SNX5: variants seen among roughly 807,000 people sequenced by gnomAD.
SNX5 encodes the protein sorting nexin-5.
Under a neutral mutation model 53.9 loss-of-function variants are expected in SNX5, and 31 were observed. The observed-to-expected ratio is 0.58, with a 90% CI of 0.43 to 0.78. The LOEUF (loss-of-function observed/expected upper bound fraction) is 0.78, where lower values mean the gene tolerates loss of function less well. Among genes scored for constraint, SNX5 ranks in the 30% least tolerant of loss-of-function variants. The probability of loss-of-function intolerance (pLI) is 0.00; values close to 1 mark genes in which losing one functional copy is unlikely to be tolerated. For missense variants in SNX5, 471 were observed against 478.8 expected (o/e 0.98, Z 0.15); for synonymous variants, 168 against 171.1 (o/e 0.98, Z 0.14).
intron 1 of SNX5, chr20:17,961,493 CTAGTT>C (rs1263281068): frequency 5.1e-6 from 5 of 985,344 alleles, no homozygotes; most frequent in Non-Finnish European, 6.0e-6. Flanking sequence ...TAGATTGGGG[CTAGTT>C]GAACAGTCAT....
chr20:17,952,674 G>C lies in SNX5; in HGVS notation c.426C>G (p.Ser142=). ...AAAGCCGCTGAAGAAAGACTTCATG[G>C]GAGGACACAGTCTTCTTAAACACAG... ...YLAVFKKTVS[S]HEVFLQRLSS... Residue 142 remains serine, a synonymous_variant, in exon 5 of 13, where the codon TCC becomes TCG. Coordinates refer to ENST00000377759, the MANE Select transcript of SNX5 (RefSeq NM_014426.4). 1 of 1,614,002 alleles carries C rather than the reference G, an allele frequency of 6.2e-7. No homozygotes were observed. The highest frequency in any genetic ancestry group is 8.5e-7 in the Non-Finnish European group (1 of 1,179,948).
At position 17,955,540 on chromosome 20, in the gene SNX5, G is replaced by T. The variant is rs1156335032; in HGVS notation, c.157-65C>A. On this transcript the variant is annotated intron_variant, in intron 2 of 12. Transcript: ENST00000377759. ...TTAGATAAGTGATCTGGGTTTCCTA[G>T]GCTACACAGTGGGAAAATTCTGCAT... The T allele has an allele frequency of 1.2e-5, 14 of 1,128,466 alleles. No individual in the cohort carries two copies. In the Admixed American group the frequency reaches 2.4e-4, roughly 19 times the overall value. The allele number at this position is 1,128,466 out of a possible 1,614,324, so 69.9% of individuals were successfully genotyped here. A position where few individuals can be genotyped will look rare whatever the true frequency, so the allele number is the denominator to read the frequency against.
intron 12 of SNX5, 144 bp from the exon 13 acceptor site, chr20:17,942,551 G>C (rs1174295267): frequency 2.9e-6 from 2 of 689,638 alleles, no homozygotes; most frequent in Admixed American, 4.4e-5. Flanking sequence ...TCAAATCCCA[G>C]GTGAACTGCA....
Position 17,951,553 on chromosome 20 carries a change from A to T in SNX5, c.556T>A (p.Phe186Ile). 1 of 1,612,584 alleles carries T rather than the reference A, an allele frequency of 6.2e-7. No homozygotes were observed. The highest frequency in any genetic ancestry group is 1.1e-5 in the South Asian group (1 of 91,014). The part of the protein sequence containing the change: ...RKNTKEMFGG[F>I]FKSVVKSADE... ...GCACTTTTCACCACACTTTTGAAGA[A>T]GCCACCAAACATCTCTTTAGTATTT... is the stretch of plus-strand genomic sequence containing the variant. The change falls in exon 6 of 13, where the codon TTC becomes ATC. Residue 186 changes from phenylalanine to isoleucine, a missense_variant. Physicochemically the swap from Phe to Ile is conservative, Grantham distance 21. Coordinates refer to ENST00000377759, the MANE Select transcript of SNX5 (RefSeq NM_014426.4).
At position 17,955,461 on chromosome 20, in the gene SNX5, C is replaced by T. The variant is rs371471011; in HGVS notation, c.171G>A (p.Thr57=). The change falls in exon 3 of 13, where the codon ACG becomes ACA. Residue 57 remains threonine (T), a synonymous_variant. Transcript: ENST00000377759. ...TAACAGAAAACTCTGGGCTCTGAAA[C>T]GTGGGCAGTGTGGTCTGTAAAGAAA... ...FTVHTKTTLP[T]FQSPEFSVTR... 35 of 1,613,702 alleles carry T rather than the reference C, an allele frequency of 2.2e-5. No homozygotes were observed. Among genetic ancestry groups the T allele is most frequent in the East Asian group, 4.5e-5 (2 of 44,880 alleles).
At chr20:17,959,332 C>T (rs2035412652) in intron 1 of SNX5, among the ~76,000 whole-genome samples, 1 of 152,158 alleles carries the variant, frequency 6.6e-6, no homozygotes, top group South Asian at 2.1e-4. Flanking sequence ...AGAGGTAATA[C>T]CCCCGACTAT....
chr20:17,942,267 A>C lies in SNX5; in HGVS notation c.*90T>G, dbSNP rs142219759. The C allele has an allele frequency of 1.5e-3, 1,218 of 798,592 alleles. 19 individuals are homozygous for C. The East Asian group carries it at 0.028, about 19-fold the overall frequency. The allele number at this position is 798,592 out of a possible 1,614,324, so 49.5% of individuals were successfully genotyped here. A position where few individuals can be genotyped will look rare whatever the true frequency, so the allele number is the denominator to read the frequency against. On this transcript the variant is annotated 3_prime_UTR_variant, in exon 13 of 13. Coordinates refer to ENST00000377759, the MANE Select transcript of SNX5 (RefSeq NM_014426.4). ...TCACATAATTTTAAACTAAAGTTGA[A>C]GCTAATATATCTTCCGTGGTAATGA...
At chr20:17,942,512 C>A in intron 12 of SNX5, 105 bp from the exon 13 acceptor site, 2 of 840,246 alleles carry the variant, frequency 2.4e-6, no homozygotes, top group South Asian at 2.8e-5. Context: ...GGTTTAAAGT[C>A]AGCCAGAGCA....
intron 11 of SNX5, chr20:17,945,360 G>A (rs994696321): frequency 6.6e-6 from 1 of 152,162 alleles, no homozygotes; most frequent in African/African-American, 2.4e-5. Context: ...AAGGCAAACA[G>A]GTTAAGACCC....
intron 1 of SNX5, among the ~76,000 whole-genome samples, chr20:17,965,417 T>C (rs182336890): frequency 2.4e-3 from 370 of 152,132 alleles, no homozygotes; most frequent in Non-Finnish European, 3.7e-3. Flanking sequence ...CAGAAACAAA[T>C]CTAGAAAACT....
chr20:17,956,850 C>A, intron 2 of SNX5, 83 bp downstream of exon 2: 1 of 782,542 alleles, frequency 1.3e-6, no homozygotes, highest in Non-Finnish European at 2.3e-6. Flanking sequence ...CTGTTTCAAG[C>A]TCAGGGAATC....
At chr20:17,946,099 A>T (rs2039484635) in intron 11 of SNX5, among the ~76,000 whole-genome samples, 1 of 152,212 alleles carries the variant, frequency 6.6e-6, no homozygotes, top group Non-Finnish European at 1.5e-5. Context: ...TATTATACTC[A>T]TGTTCAATAG....
At chr20:17,949,709 C>T (rs2039536943) in intron 8 of SNX5, among the ~76,000 whole-genome samples, 1 of 152,138 alleles carries the variant, frequency 6.6e-6, no homozygotes, top group Non-Finnish European at 1.5e-5. Context: ...AACCAAATCT[C>T]TTCAAGGTCC....
chr20:17,948,985 A>G lies in SNX5; in HGVS notation c.832-9T>C. The stretch of plus-strand genomic sequence containing the variant: ...ACTCGACCCTCTACTTTCTATATAG[A>G]AAAGGAAAGGTCACCATCAAGGCAG... On this transcript the variant is annotated splice_polypyrimidine_tract_variant and intron_variant, in intron 9 of 12. Coordinates refer to ENST00000377759, the MANE Select transcript of SNX5 (RefSeq NM_014426.4). 6.2e-7 allele frequency: 1 copy of G among 1,612,180 alleles called. No homozygotes were observed. Among genetic ancestry groups the G allele is most frequent in the Non-Finnish European group, 8.5e-7 (1 of 1,179,250 alleles).
intron 1 of SNX5, among the ~76,000 whole-genome samples, chr20:17,958,127 C>T (rs2035392956): frequency 6.6e-6 from 1 of 151,970 alleles, no homozygotes; most frequent in African/African-American, 2.4e-5. Flanking sequence ...AATCTGAAAA[C>T]CTGACACACA....
chr20:17,964,638 C>T (rs1237652074), intron 1 of SNX5, among the ~76,000 whole-genome samples: 1 of 152,226 alleles, frequency 6.6e-6, no homozygotes, highest in East Asian at 1.9e-4. Flanking sequence ...AGCCGTTTCT[C>T]ACTATTGGGA....
chr20:17,959,915 C>A (rs1247051099), intron 1 of SNX5, among the ~76,000 whole-genome samples: 1 of 152,128 alleles, frequency 6.6e-6, no homozygotes, highest in Non-Finnish European at 1.5e-5. Flanking sequence ...CTCCATCCCC[C>A]CTTAAGCTTG....
chr20:17,965,797 G>A (rs2035527616), intron 1 of SNX5, among the ~76,000 whole-genome samples: 1 of 151,784 alleles, frequency 6.6e-6, no homozygotes. Context: ...TACTGAACTA[G>A]AACTAAGGCG....
chr20:17,950,095 A>C (rs564568349), intron 8 of SNX5, 37 bp downstream of exon 8: 7 of 1,581,836 alleles, frequency 4.4e-6, no homozygotes, highest in Non-Finnish European at 6.1e-6. Context: ...GCACTCTTCA[A>C]TTGGGTTAGG....
Sources: gnomAD v4.1 joint callset for allele counts (sites outside exome capture counted in the v4.1 genomes callset) on GRCh38, gnomAD v4.1.1 for gene constraint, MANE v1.5 for transcripts, NCBI Gene and HGNC (gene_info 2026-07-23, HGNC 2026-07-21) for gene names.